The following ALLC variants were observed in gnomAD, a reference collection of about 807,000 sequenced individuals.
The protein encoded by ALLC is probable inactive allantoicase.
ALLC carries 40 observed loss-of-function variants against 45.0 expected under a neutral mutation model. That is an observed-to-expected ratio of 0.89 (90% CI 0.69 to 1.16). The LOEUF (loss-of-function observed/expected upper bound fraction) is 1.16, where lower values mean the gene tolerates loss of function less well. Ranked by LOEUF, ALLC falls within the 50% of genes most tolerant of loss-of-function variation. The pLI is 0.00. For synonymous variants in ALLC, 176 were observed against 178.1 expected, an observed-to-expected ratio of 0.99 and a Z score of 0.09; for missense variants, 488 against 493.1, an observed-to-expected ratio of 0.99 and a Z score of 0.10.
chr2:3,661,991 A>T (rs1294723968), intron 1 of ALLC, among the ~76,000 whole-genome samples: 1 of 152,018 alleles, frequency 6.6e-6, no homozygotes, highest in African/African-American at 2.4e-5. Context: ...AGCTGGTGGG[A>T]CTGAGCAGGG....
intron 1 of ALLC, among the ~76,000 whole-genome samples, chr2:3,667,760 TAATA>T (rs1397789501): frequency 6.6e-6 from 1 of 152,208 alleles, no homozygotes; most frequent in Non-Finnish European, 1.5e-5. Flanking sequence ...GAAAGGCAGA[TAATA>T]AATAAATACA....
At chr2:3,685,470 A>G (rs1031701194) in intron 7 of ALLC, among the ~76,000 whole-genome samples, 3 of 150,804 alleles carry the variant, frequency 2.0e-5, no homozygotes, top group Non-Finnish European at 4.4e-5. Context: ...AGACAGAGAC[A>G]GACAGACAGA....
intron 3 of ALLC, among the ~76,000 whole-genome samples, chr2:3,677,754 C>T (rs988292565): frequency 1.3e-5 from 2 of 152,212 alleles, no homozygotes; most frequent in Non-Finnish European, 2.9e-5. Context: ...TCCTCTGCTC[C>T]TGCCTGGGGA....
At chr2:3,652,185 A>G in the ALLC span, among the ~76,000 whole-genome samples, 1 of 152,216 alleles carries the variant, frequency 6.6e-6, no homozygotes, top group African/African-American at 2.4e-5. Flanking sequence ...ACGACCTGCA[A>G]GGGCCCCTCG....
At chr2:3,677,470 G>A (rs1296040193) in intron 3 of ALLC, among the ~76,000 whole-genome samples, 3 of 152,232 alleles carry the variant, frequency 2.0e-5, no homozygotes, top group Non-Finnish European at 4.4e-5. Flanking sequence ...CAACTTTCAT[G>A]TATAATGCTA....
rs745849932 is a variant in ALLC, at chr2:3,674,007, A to G, written c.34-68A>G. On this transcript the variant is annotated intron_variant, in intron 2 of 11. Coordinates refer to ENST00000252505, the MANE Select transcript of ALLC (RefSeq NM_018436.4). ...TTACTTCATCTCATAATGTTTCACT[A>G]GGGAATGAAATAAAATGGTATCAGA... is the stretch of plus-strand genomic sequence containing the variant. 2.5e-5 allele frequency: 29 copies of G among 1,175,318 alleles called. No homozygotes were observed. The Admixed American group carries it at 2.5e-4, about 10-fold the overall frequency. The allele number at this position is 1,175,318 out of a possible 1,614,324, so 72.8% of individuals were successfully genotyped here. A position where few individuals can be genotyped will look rare whatever the true frequency, so the allele number is the denominator to read the frequency against.
At chr2:3,670,992 T>A (rs558798889) in intron 1 of ALLC, 104 bp from the exon 2 acceptor site, 1 of 668,954 alleles carries the variant, frequency 1.5e-6, no homozygotes, top group East Asian at 2.7e-5. Context: ...GTTCTGTCAC[T>A]GCCTGACTTT....
intron 6 of ALLC, 106 bp downstream of exon 6, chr2:3,681,819 C>T: frequency 1.2e-6 from 1 of 804,024 alleles, no homozygotes; most frequent in Non-Finnish European, 1.9e-6. Context: ...GACGCCCAGC[C>T]CTGATGCTCC....
chr2:3,671,560 T>TCTGGTTCTGGTTAGATGGGAGGTCCC (rs1666869771), intron 2 of ALLC, among the ~76,000 whole-genome samples: 1 of 150,148 alleles, frequency 6.7e-6, no homozygotes, highest in African/African-American at 2.5e-5. Flanking sequence ...TAGGAGGTCC[T>TCTGGTTCTGGTTAGATGGGAGGTCCC]CTGGCTCTGG....
rs1025449842 is a variant in ALLC, at chr2:3,678,489, G to C, written c.106G>C (p.Glu36Gln). 6 of 1,613,912 alleles carry C rather than the reference G, an allele frequency of 3.7e-6. No homozygotes were observed. The African/African-American group carries it at 6.7e-5, about 18-fold the overall frequency. The change falls in exon 4 of 12, where the codon GAG becomes CAG. Residue 36 changes from glutamate to glutamine, a missense_variant. Transcript: ENST00000252505. Reference protein sequence around the residue: ...LIKSDSPCFKEHEYTEFGKWM... With the variant: ...LIKSDSPCFKQHEYTEFGKWM... ...CTAGAGTGACAGCCCGTGCTTCAAA[G>C]AGCATGAATATACGGAGTTTGGGAA... is the stretch of plus-strand genomic sequence containing the variant.
At chr2:3,701,468 G>A in intron 10 of ALLC, 44 bp from the exon 11 acceptor site, 1 of 1,541,290 alleles carries the variant, frequency 6.5e-7, no homozygotes, top group Non-Finnish European at 8.8e-7. Context: ...GCCAAACTGA[G>A]TGCAAATGCG....
chr2:3,674,323 G>A (rs1285635828), intron 3 of ALLC, among the ~76,000 whole-genome samples, 198 bp downstream of exon 3: 1 of 152,220 alleles, frequency 6.6e-6, no homozygotes, highest in African/African-American at 2.4e-5. Context: ...ATCTGAGCAA[G>A]TAATTTGGGA....
chr2:3,688,205 C>T, intron 7 of ALLC: 1 of 171,106 alleles, frequency 5.8e-6, no homozygotes, highest in South Asian at 1.3e-4. Flanking sequence ...ATGCCTGCTT[C>T]ACCGCCTTTT....
chr2:3,681,734 T>C (rs760925868), intron 6 of ALLC, 21 bp downstream of exon 6: 5 of 1,585,090 alleles, frequency 3.2e-6, no homozygotes, highest in Non-Finnish European at 1.7e-6. Flanking sequence ...CCCAAATGAA[T>C]TGGGTCTTGT....
chr2:3,682,094 G>T (rs755908366), intron 6 of ALLC, among the ~76,000 whole-genome samples: 1 of 152,132 alleles, frequency 6.6e-6, no homozygotes, highest in African/African-American at 2.4e-5. Flanking sequence ...AATAGGGCTT[G>T]TGTTTTGGTA....
At chr2:3,654,140 A>G (rs1666392587), upstream of ALLC, among the ~76,000 whole-genome samples, 1 of 152,228 alleles carries the variant, frequency 6.6e-6, no homozygotes, top group South Asian at 2.1e-4. Context: ...GGCTGTTGGC[A>G]GGAGGACTTG....
chr2:3,694,348 G>C (rs1259781065), intron 7 of ALLC, among the ~76,000 whole-genome samples: 1 of 152,162 alleles, frequency 6.6e-6, no homozygotes, highest in African/African-American at 2.4e-5. Flanking sequence ...TTCCACCTGG[G>C]ATCCAGGTGT....
At chr2:3,651,318 G>GT in the ALLC span, among the ~76,000 whole-genome samples, 3 of 35,620 alleles carry the variant, frequency 8.4e-5, 1 homozygote, top group African/African-American at 2.0e-4. Flanking sequence ...GTGGGTGGGG[G>GT]GGGTGTGTGT....
chr2:3,683,944 CATTTCAG>C (rs1218090396), intron 7 of ALLC, among the ~76,000 whole-genome samples: 3 of 152,188 alleles, frequency 2.0e-5, no homozygotes, highest in Non-Finnish European at 4.4e-5. Context: ...TGGTCTCAAG[CATTTCAG>C]ATAAGGGATA....
Sources: gnomAD v4.1 joint callset for allele counts (sites outside exome capture counted in the v4.1 genomes callset) on GRCh38, gnomAD v4.1.1 for gene constraint, MANE v1.5 for transcripts, NCBI Gene and HGNC (gene_info 2026-07-23, HGNC 2026-07-21) for gene names.